Variants in FGF13 observed in about 807,000 individuals in gnomAD.
FGF13 encodes fibroblast growth factor 13.
In FGF13, 2 loss-of-function variants were observed where a neutral mutation model predicts 19.5. That is an observed-to-expected ratio of 0.10 (90% CI 0.04 to 0.32). FGF13 has a LOEUF of 0.32. Among genes scored for constraint, FGF13 ranks in the 10% least tolerant of loss-of-function variants. The pLI is 1.00. For synonymous variants in FGF13, 72 were observed against 76.9 expected (o/e 0.94, Z 0.33); for missense variants, 113 against 192.7 (o/e 0.59, Z 2.45).
In FGF13 at chrX:138,618,008, A is replaced by T. The variant is rs1210629938; in HGVS notation, c.*14842T>A. The T allele has an allele frequency of 1.8e-5, 2 of 111,729 alleles. No homozygotes were observed. Among genetic ancestry groups the T allele is most frequent in the Non-Finnish European group, 3.8e-5 (2 of 53,152 alleles). The allele number at this position is 111,729 out of a possible 1,213,427, so 9.2% of individuals were successfully genotyped here. A position where few individuals can be genotyped will look rare whatever the true frequency, so the allele number is the denominator to read the frequency against. On this transcript the variant is annotated 3_prime_UTR_variant, in exon 5 of 5. Coordinates refer to ENST00000315930, the MANE Select transcript of FGF13 (RefSeq NM_004114.5). The stretch of plus-strand genomic sequence containing the variant: ...TGTAAAACTCAACAATTCCAAAATA[A>T]ACTTTATTCAAGGAAAAAAATAATT...
intron 1 of FGF13, among the ~76,000 whole-genome samples, chrX:139,003,069 C>T (rs967838167): frequency 1.8e-5 from 2 of 112,281 alleles, no homozygotes; most frequent in African/African-American, 6.5e-5. Context: ...GGTTCTTGGT[C>T]TCACTGACTT....
intron 1 of FGF13, among the ~76,000 whole-genome samples, chrX:139,069,466 G>T (rs1317909810): frequency 1.2e-5 from 1 of 84,470 alleles, no homozygotes; most frequent in Non-Finnish European, 2.3e-5. Flanking sequence ...ACTGGTGGGG[G>T]GTGGGGGGAG....
intron 1 of FGF13, among the ~76,000 whole-genome samples, chrX:138,900,211 T>C (rs1490231659): frequency 9.0e-6 from 1 of 111,153 alleles, no homozygotes; most frequent in Non-Finnish European, 1.9e-5. Context: ...AAGCTGACCA[T>C]GTCACTTACT....
chrX:138,789,294 A>G (rs750222045), intron 3 of FGF13, among the ~76,000 whole-genome samples: 209 of 108,234 alleles, frequency 1.9e-3, no homozygotes, highest in African/African-American at 6.8e-3. Context: ...TCAGCCTCCC[A>G]AGTAGCTGGG....
intron 1 of FGF13, among the ~76,000 whole-genome samples, chrX:139,133,431 G>T (rs1367837917): frequency 9.1e-6 from 1 of 109,311 alleles, no homozygotes; most frequent in Non-Finnish European, 1.9e-5. Context: ...TGTCCTGGTG[G>T]TTGTTGTACA....
chrX:138,907,574 G>A (rs974515040), intron 1 of FGF13, among the ~76,000 whole-genome samples: 1 of 111,604 alleles, frequency 9.0e-6, no homozygotes, highest in African/African-American at 3.3e-5. Context: ...TTCTGAGCTG[G>A]GATGAGCACA....
At chrX:138,713,044 A>G (rs928070380), upstream of FGF13, among the ~76,000 whole-genome samples, 4 of 112,331 alleles carry the variant, frequency 3.6e-5, no homozygotes, top group Non-Finnish European at 7.5e-5. Context: ...CTCCATCAGA[A>G]GCACCACTGT....
At chrX:139,074,407 T>C (rs2092386198) in intron 1 of FGF13, among the ~76,000 whole-genome samples, 1 of 112,023 alleles carries the variant, frequency 8.9e-6, no homozygotes, top group Non-Finnish European at 1.9e-5. Flanking sequence ...TCATTAGATA[T>C]GTTAGGCCAA....
chrX:138,977,303 A>G (rs185505494), intron 1 of FGF13, among the ~76,000 whole-genome samples: 44 of 112,066 alleles, frequency 3.9e-4, no homozygotes, highest in Non-Finnish European at 7.7e-4. Context: ...TTCAAAATAT[A>G]GTGTGTTATA....
intron 1 of FGF13, among the ~76,000 whole-genome samples, chrX:139,200,420 G>A (rs1268166456): frequency 8.9e-6 from 1 of 112,021 alleles, no homozygotes; most frequent in East Asian, 2.8e-4. Context: ...TATTGGAAAG[G>A]GCCAGGAAGT....
intron 3 of FGF13, among the ~76,000 whole-genome samples, chrX:138,799,828 T>C (rs912354289): frequency 3.6e-5 from 4 of 112,068 alleles, no homozygotes; most frequent in Admixed American, 2.8e-4. Flanking sequence ...TTTACCATTA[T>C]GTAATGGCCT....
chrX:138,983,850 G>T (rs187630454), intron 1 of FGF13, among the ~76,000 whole-genome samples: 1 of 108,872 alleles, frequency 9.2e-6, no homozygotes, highest in African/African-American at 3.3e-5. Flanking sequence ...TTCAGCATTC[G>T]ACTGGTATAA....
chrX:139,159,639 C>T (rs1013282759), intron 1 of FGF13, among the ~76,000 whole-genome samples: 1 of 78,307 alleles, frequency 1.3e-5, no homozygotes, highest in African/African-American at 7.8e-5. Flanking sequence ...GGAATATTTA[C>T]CAAGCAAAGA....
chrX:139,019,044 G>C (rs1311424873), intron 1 of FGF13, among the ~76,000 whole-genome samples: 1 of 111,355 alleles, frequency 9.0e-6, no homozygotes, highest in Non-Finnish European at 1.9e-5. Context: ...ATTTGCCTAA[G>C]CTGTACATTT....
rs946177752 is a variant in FGF13 at position 138,931,395 on chromosome X, G to C, written c.-112-66745C>G. On this transcript the variant is annotated intron_variant, in intron 1 of 2. Coordinates refer to the FGF13 transcript ENST00000421460. Reference sequence around the variant, plus strand: ...CTTCAAGTGAACACTGTCTAGGATAGTATGAATCCCCTTTGCTTTAGCGCA... The same window carrying C: ...CTTCAAGTGAACACTGTCTAGGATACTATGAATCCCCTTTGCTTTAGCGCA... Among the ~76,000 whole-genome samples the C allele has an allele frequency of 6.2e-4, 70 of 112,104 alleles. 1 individual carries two copies. The highest frequency in any genetic ancestry group is 2.2e-3 in the African/African-American group (69 of 30,915).
intron 1 of FGF13, among the ~76,000 whole-genome samples, chrX:138,932,703 A>AGTGTGTGTGTGTGTGT (rs57793547): frequency 6.6e-5 from 6 of 90,303 alleles, no homozygotes; most frequent in Admixed American, 1.2e-4. Flanking sequence ...TCAGGAGTGT[A>AGTGTGTGTGTGTGTGT]GTGTGTGTGT....
chrX:138,630,788 T>TG lies in FGF13; in HGVS notation c.*2061dup, dbSNP rs915039383. 8 of 111,650 alleles carry TG rather than the reference T, an allele frequency of 7.2e-5. No homozygotes were observed. The highest frequency in any genetic ancestry group is 2.8e-4 in the East Asian group (1 of 3,557). 9.2% of individuals were successfully genotyped at this position (111,650 alleles called of 1,213,427 possible). On this transcript the variant is annotated 3_prime_UTR_variant, in exon 5 of 5. Coordinates refer to ENST00000315930, the MANE Select transcript of FGF13 (RefSeq NM_004114.5). ...TATACAGATGATCCTTCACTTACGA[T>TG]GGGGGTCACATACCAATAAACCCAT...
At chrX:138,922,966 T>A (rs2091654436) in intron 1 of FGF13, among the ~76,000 whole-genome samples, 1 of 112,514 alleles carries the variant, frequency 8.9e-6, no homozygotes, top group Admixed American at 9.4e-5. Context: ...TTACAAAATA[T>A]TCCTATATGA....
In FGF13 at chrX:139,027,213, T is replaced by G. The variant is rs1425697079; in HGVS notation, c.-112-162563A>C. Among the ~76,000 whole-genome samples the G allele has an allele frequency of 4.4e-5, 5 of 112,415 alleles. No homozygotes were observed. The East Asian group carries it at 1.4e-3, about 32-fold the overall frequency. ...GTTCTTATGTAAGCTTCCTTAGACC[T>G]TATAAAATGTACTGTCACTTGCAAT... On this transcript the variant is annotated intron_variant, in intron 1 of 2. Coordinates refer to the FGF13 transcript ENST00000421460.
Sources: gnomAD v4.1 joint callset for allele counts (sites outside exome capture counted in the v4.1 genomes callset) on GRCh38, gnomAD v4.1.1 for gene constraint, MANE v1.5 for transcripts, NCBI Gene and HGNC (gene_info 2026-07-23, HGNC 2026-07-21) for gene names.